The following EPHA6 variants were observed in gnomAD, a reference collection of about 807,000 sequenced individuals.
EPHA6 encodes EPH receptor A6.
In EPHA6, 50 loss-of-function variants were observed where a neutral mutation model predicts 112.0. The observed-to-expected ratio is 0.45, with a 90% CI of 0.36 to 0.56. The LOEUF (loss-of-function observed/expected upper bound fraction) is 0.56. EPHA6 is among the 20% of genes least tolerant of loss of function. The pLI is 0.00. For missense variants in EPHA6, 1,280 were observed against 1,417.4 expected, an observed-to-expected ratio of 0.90 and a Z score of 1.56; for synonymous variants, 529 against 490.7, an observed-to-expected ratio of 1.08 and a Z score of -1.03.
chr3:97,018,270 A>G (rs2044333482), intron 3 of EPHA6, among the ~76,000 whole-genome samples: 3 of 151,898 alleles, frequency 2.0e-5, no homozygotes, highest in South Asian at 2.1e-4. Context: ...GACCAGCCCC[A>G]CAGGGTCGGT....
At chr3:96,855,186 G>C (rs2035621550) in intron 1 of EPHA6, among the ~76,000 whole-genome samples, 1 of 152,038 alleles carries the variant, frequency 6.6e-6, no homozygotes, top group Admixed American at 6.6e-5. Context: ...AAGGACCTTT[G>C]TTATTACATC....
chr3:97,024,116 G>C (rs1324731753), intron 3 of EPHA6, among the ~76,000 whole-genome samples: 1 of 151,988 alleles, frequency 6.6e-6, no homozygotes, highest in Non-Finnish European at 1.5e-5. Flanking sequence ...TATACCCTAT[G>C]TTCCCATCTG....
At chr3:97,638,981 G>A (rs1361890646) in intron 14 of EPHA6, among the ~76,000 whole-genome samples, 1 of 151,838 alleles carries the variant, frequency 6.6e-6, no homozygotes, top group African/African-American at 2.4e-5. Context: ...TGCTCTATGA[G>A]TTTTTTTGAA....
chr3:97,232,958 A>C (rs1310963258), intron 4 of EPHA6, among the ~76,000 whole-genome samples: 2 of 152,106 alleles, frequency 1.3e-5, no homozygotes, highest in Admixed American at 1.3e-4. Flanking sequence ...TTCTAGGGGA[A>C]GGTCATATAC....
intron 15 of EPHA6, among the ~76,000 whole-genome samples, chr3:97,731,803 A>C (rs1315667760): frequency 1.3e-5 from 2 of 152,060 alleles, no homozygotes; most frequent in Non-Finnish European, 2.9e-5. Flanking sequence ...AATTGAACTC[A>C]TCATCACTCC....
chr3:97,747,829 T>C (rs1389921900), intron 17 of EPHA6, among the ~76,000 whole-genome samples: 1 of 152,114 alleles, frequency 6.6e-6, no homozygotes, highest in Non-Finnish European at 1.5e-5. Flanking sequence ...ATCCAAATCA[T>C]AGACTTTATG....
At chr3:97,184,746 C>T (rs890393873) in intron 3 of EPHA6, among the ~76,000 whole-genome samples, 1 of 152,054 alleles carries the variant, frequency 6.6e-6, no homozygotes, top group Non-Finnish European at 1.5e-5. Flanking sequence ...AAAAAGAGTC[C>T]ACATTGCCAA....
intron 3 of EPHA6, among the ~76,000 whole-genome samples, chr3:97,126,759 AAT>A (rs2048192207): frequency 6.6e-6 from 1 of 152,176 alleles, no homozygotes; most frequent in Non-Finnish European, 1.5e-5. Flanking sequence ...AGGAGAACCA[AAT>A]TAAATCCATT....
At chr3:97,359,857 T>A (rs2084280018) in intron 5 of EPHA6, among the ~76,000 whole-genome samples, 1 of 152,200 alleles carries the variant, frequency 6.6e-6, no homozygotes, top group Non-Finnish European at 1.5e-5. Context: ...TTTCTAAGCT[T>A]GTGCCTTTCT....
chr3:97,628,867 TA>T (rs1207603612), intron 13 of EPHA6, among the ~76,000 whole-genome samples: 31 of 152,072 alleles, frequency 2.0e-4, no homozygotes, highest in Admixed American at 1.8e-3. Flanking sequence ...GAAATTAATC[TA>T]AATAACACTC....
At chr3:96,857,184 A>G (rs1576158343) in intron 1 of EPHA6, among the ~76,000 whole-genome samples, 1 of 152,110 alleles carries the variant, frequency 6.6e-6, no homozygotes, top group East Asian at 1.9e-4. Context: ...AATATTTTCC[A>G]TTTGCCTAGA....
intron 5 of EPHA6, among the ~76,000 whole-genome samples, chr3:97,275,378 C>A (rs568928511): frequency 2.0e-5 from 3 of 152,162 alleles, no homozygotes; most frequent in South Asian, 4.2e-4. Context: ...ATTTGCTGAG[C>A]CTGATGGGTG....
chr3:97,003,579 A>G (rs2107913080), intron 3 of EPHA6, among the ~76,000 whole-genome samples: 1 of 152,312 alleles, frequency 6.6e-6, no homozygotes, highest in South Asian at 2.1e-4. Flanking sequence ...TGTAGGATAC[A>G]AATTAGGATT....
At position 97,187,593 on chromosome 3, in the gene EPHA6, A is replaced by G. The variant is rs572442538; in HGVS notation, c.1115-38671A>G. Among the ~76,000 whole-genome samples, 13 of 151,266 alleles carry G rather than the reference A, an allele frequency of 8.6e-5. No homozygotes were observed. In the East Asian group the frequency reaches 1.2e-3, roughly 14 times the overall value. On this transcript the variant is annotated intron_variant, in intron 3 of 17. Transcript: ENST00000389672. ...TCGTCTCAAAACGTCAAAAAAAAAA[A>G]AAAAGAAAAGAGAAAGAAAGAAAAA... is the stretch of plus-strand genomic sequence containing the variant.
At chr3:97,385,751 A>C (rs1208500867) in intron 5 of EPHA6, among the ~76,000 whole-genome samples, 3 of 152,206 alleles carry the variant, frequency 2.0e-5, no homozygotes, top group African/African-American at 7.2e-5. Context: ...ACTTACATTC[A>C]TGGCAGAATG....
intron 1 of EPHA6, 73 bp downstream of exon 1, chr3:96,815,081 C>T: frequency 2.1e-6 from 3 of 1,400,878 alleles, no homozygotes; most frequent in Non-Finnish European, 2.8e-6. Flanking sequence ...TACTGGTTGC[C>T]TCCTGCAGGT....
At chr3:97,083,536 C>G (rs2046791794) in intron 3 of EPHA6, among the ~76,000 whole-genome samples, 1 of 151,888 alleles carries the variant, frequency 6.6e-6, no homozygotes, top group South Asian at 2.1e-4. Flanking sequence ...TCTTAGCTTT[C>G]TATTTCCACC....
At chr3:97,405,107 T>G in intron 5 of EPHA6, 43 bp from the exon 6 acceptor site, 1 of 1,547,756 alleles carries the variant, frequency 6.5e-7, no homozygotes, top group Non-Finnish European at 8.7e-7. Context: ...TAATGGAAAA[T>G]GATTCCTGCC....
chr3:96,866,862 A>G lies in EPHA6; in HGVS notation c.423A>G (p.Leu141=). The G allele has an allele frequency of 6.7e-7, 1 of 1,488,070 alleles. No homozygotes were observed. Among genetic ancestry groups the G allele is most frequent in the Non-Finnish European group, 9.0e-7 (1 of 1,114,922 alleles). The allele number at this position is 1,488,070 out of a possible 1,614,324, so 92.2% of individuals were successfully genotyped here. Residue 141 remains leucine (L), a synonymous_variant, in exon 2 of 18, where the codon CTA becomes CTG. Transcript: ENST00000389672. ...LLDTTTVLGE[L]GWKTYPLNGW... ...ATACAACAACTGTACTGGGAGAGCT[A>G]GGATGGAAAACATATCCATTAAATG...
Sources: gnomAD v4.1 joint callset for allele counts (sites outside exome capture counted in the v4.1 genomes callset) on GRCh38, gnomAD v4.1.1 for gene constraint, MANE v1.5 for transcripts, NCBI Gene and HGNC (gene_info 2026-07-23, HGNC 2026-07-21) for gene names.